The following TMEM117 variants were observed in gnomAD, a reference collection of about 807,000 sequenced individuals.
The protein encoded by TMEM117 is transmembrane protein 117.
A neutral mutation model predicts 52.4 loss-of-function variants in TMEM117; 27 were observed. That is an observed-to-expected ratio of 0.51 (90% CI 0.38 to 0.71). The LOEUF (loss-of-function observed/expected upper bound fraction) is 0.71. Ranked by LOEUF, TMEM117 falls within the 30% of genes least tolerant of loss-of-function variation. The pLI is 0.00. For missense variants in TMEM117, 556 were observed against 630.5 expected (o/e 0.88, Z 1.26); for synonymous variants, 215 against 206.3 (o/e 1.04, Z -0.36).
At chr12:43,838,554 T>C (rs1348584457) in intron 1 of TMEM117, among the ~76,000 whole-genome samples, 1 of 148,756 alleles carries the variant, frequency 6.7e-6, no homozygotes, top group Non-Finnish European at 1.5e-5. Context: ...TTTTTTTTTT[T>C]TCCCTCACCC....
At chr12:44,006,631 T>C (rs1320152989) in intron 3 of TMEM117, among the ~76,000 whole-genome samples, 1 of 152,202 alleles carries the variant, frequency 6.6e-6, no homozygotes, top group Non-Finnish European at 1.5e-5. Context: ...CCATTATATA[T>C]GTCAAGCATA....
intron 2 of TMEM117, among the ~76,000 whole-genome samples, chr12:43,932,594 A>G (rs1944888974): frequency 6.6e-6 from 1 of 152,180 alleles, no homozygotes; most frequent in African/African-American, 2.4e-5. Context: ...CTGTTGTGTG[A>G]CTATTGGTGG....
At chr12:44,023,095 A>G (rs1329947697) in intron 3 of TMEM117, among the ~76,000 whole-genome samples, 1 of 152,202 alleles carries the variant, frequency 6.6e-6, no homozygotes, top group African/African-American at 2.4e-5. Context: ...TTAGTTCCCT[A>G]AAATCCAGTG....
At chr12:44,056,396 A>C (rs1475989304) in intron 3 of TMEM117, among the ~76,000 whole-genome samples, 1 of 152,224 alleles carries the variant, frequency 6.6e-6, no homozygotes, top group African/African-American at 2.4e-5. Context: ...ATGTTGGGAA[A>C]GGTGCTCCCA....
the TMEM117 span, among the ~76,000 whole-genome samples, chr12:43,822,479 CT>C: frequency 0.16 from 22,031 of 134,632 alleles, 1,680 homozygotes; most frequent in African/African-American, 0.19. Context: ...CTTTAAATAT[CT>C]TTTTTTTTTT....
intron 3 of TMEM117, among the ~76,000 whole-genome samples, chr12:44,116,277 C>T (rs1224788881): frequency 1.3e-5 from 2 of 152,200 alleles, no homozygotes; most frequent in Non-Finnish European, 2.9e-5. Context: ...AAGCTGCCTT[C>T]TCTTTAAACA....
At chr12:44,091,816 G>C (rs897201248) in intron 3 of TMEM117, among the ~76,000 whole-genome samples, 1 of 152,162 alleles carries the variant, frequency 6.6e-6, no homozygotes, top group Non-Finnish European at 1.5e-5. Flanking sequence ...GTTTCTAGTT[G>C]TTTCTTTTTT....
At chr12:44,134,757 C>T (rs997903249) in intron 3 of TMEM117, among the ~76,000 whole-genome samples, 1 of 151,852 alleles carries the variant, frequency 6.6e-6, no homozygotes. Context: ...ATACTCAGAA[C>T]CACAATTTTA....
chr12:44,058,813 C>G (rs1446376739), intron 3 of TMEM117, among the ~76,000 whole-genome samples: 1 of 152,150 alleles, frequency 6.6e-6, no homozygotes, highest in East Asian at 1.9e-4. Flanking sequence ...GTACATTCTT[C>G]TCTGTGAACT....
chr12:43,892,034 T>C (rs193102043), intron 2 of TMEM117, among the ~76,000 whole-genome samples: 2 of 152,304 alleles, frequency 1.3e-5, no homozygotes, highest in Admixed American at 1.3e-4. Flanking sequence ...ATCTACCTTA[T>C]AAGCTGCTGT....
chr12:43,970,329 C>T (rs1231215913), intron 3 of TMEM117, among the ~76,000 whole-genome samples: 1 of 151,420 alleles, frequency 6.6e-6, no homozygotes, highest in Non-Finnish European at 1.5e-5. Flanking sequence ...TGCTCTGTTG[C>T]CCAGGCTGGA....
chr12:43,832,270 G>C (rs779880749), upstream of TMEM117, among the ~76,000 whole-genome samples: 27 of 152,208 alleles, frequency 1.8e-4, no homozygotes. Context: ...TTCATAGAAC[G>C]GTAATGTTTG....
At chr12:43,873,167 ACTC>A (rs1943735431) in intron 2 of TMEM117, among the ~76,000 whole-genome samples, 1 of 151,948 alleles carries the variant, frequency 6.6e-6, no homozygotes, top group African/African-American at 2.4e-5. Flanking sequence ...TCTAATTAAA[ACTC>A]CTTTTAATGG....
chr12:43,982,250 C>T (rs1592413119), intron 3 of TMEM117, among the ~76,000 whole-genome samples: 1 of 152,124 alleles, frequency 6.6e-6, no homozygotes, highest in Admixed American at 6.6e-5. Context: ...TGTGGGTCAG[C>T]TAAAATAGTT....
intron 3 of TMEM117, among the ~76,000 whole-genome samples, chr12:44,128,121 C>T (rs1005311750): frequency 2.0e-5 from 3 of 152,214 alleles, no homozygotes; most frequent in East Asian, 3.9e-4. Flanking sequence ...CCTGCTGGGA[C>T]ATATCCTCTG....
At chr12:44,282,144 C>T (rs150602550) in intron 5 of TMEM117, among the ~76,000 whole-genome samples, 8 of 152,256 alleles carry the variant, frequency 5.3e-5, no homozygotes, top group East Asian at 3.9e-4. Context: ...AAGTGCCTTT[C>T]GCCTCCCACC....
the TMEM117 span, among the ~76,000 whole-genome samples, chr12:43,815,514 G>GTTCATTTTGTTACC: frequency 1.3e-5 from 2 of 152,180 alleles, no homozygotes; most frequent in Non-Finnish European, 2.9e-5. Context: ...ATACACAGAG[G>GTTCATTTTGTTACC]TACATTTTCA....
intron 4 of TMEM117, among the ~76,000 whole-genome samples, chr12:44,149,857 G>A (rs1010117782): frequency 6.6e-6 from 1 of 152,150 alleles, no homozygotes; most frequent in Non-Finnish European, 1.5e-5. Context: ...TTGAAATAAA[G>A]TAGCAATAAC....
chr12:44,210,668 A>G (rs561657478), intron 4 of TMEM117, among the ~76,000 whole-genome samples: 123 of 152,284 alleles, frequency 8.1e-4, no homozygotes, highest in Non-Finnish European at 1.2e-3. Flanking sequence ...CAAGTTTTCT[A>G]TAAGTGGGAG....
Sources: gnomAD v4.1 joint callset for allele counts (sites outside exome capture counted in the v4.1 genomes callset) on GRCh38, gnomAD v4.1.1 for gene constraint, MANE v1.5 for transcripts, NCBI Gene and HGNC (gene_info 2026-07-23, HGNC 2026-07-21) for gene names.